The following KCNN2 variants were observed in gnomAD, a reference collection of about 807,000 sequenced individuals.
The protein encoded by KCNN2 is potassium calcium-activated channel subfamily N member 2.
Under a neutral mutation model 55.5 loss-of-function variants are expected in KCNN2, and 24 were observed. That is an observed-to-expected ratio of 0.43 (90% confidence interval 0.31 to 0.61). The LOEUF is 0.61. KCNN2 is among the 20% of genes least tolerant of loss of function. The pLI is 0.08. For missense variants in KCNN2, 754 were observed against 853.6 expected, an observed-to-expected ratio of 0.88 and a Z score of 1.45; for synonymous variants, 431 against 336.1, an observed-to-expected ratio of 1.28 and a Z score of -3.09.
chr5:114,383,657 A>G (rs1178931350), intron 2 of KCNN2, among the ~76,000 whole-genome samples: 1 of 151,914 alleles, frequency 6.6e-6, no homozygotes, highest in Non-Finnish European at 1.5e-5. Context: ...TAGTAGGGAC[A>G]GGGTTTTGCC....
chr5:114,275,174 G>A (rs568778985), intron 2 of KCNN2, among the ~76,000 whole-genome samples: 1 of 152,274 alleles, frequency 6.6e-6, no homozygotes, highest in Admixed American at 6.5e-5. Flanking sequence ...TTGCATCCCA[G>A]GGATGAAGCT....
At chr5:114,397,081 T>A (rs1758642490) in intron 2 of KCNN2, among the ~76,000 whole-genome samples, 1 of 152,212 alleles carries the variant, frequency 6.6e-6, no homozygotes. Context: ...TGTGCAGTAT[T>A]CCATAGTGTA....
Position 114,106,643 on chromosome 5 carries a change from G to GTTTTTTTTTTTTTTT in KCNN2, c.-271+50145_-271+50159dup, listed in dbSNP as rs149036166. Among the ~76,000 whole-genome samples, 5 of 69,924 alleles carry GTTTTTTTTTTTTTTT rather than the reference G, an allele frequency of 7.2e-5. 1 individual carries two copies. Among genetic ancestry groups the GTTTTTTTTTTTTTTT allele is most frequent in the African/African-American group, 2.0e-4 (4 of 20,002 alleles). The allele number at this position is 69,924 out of a possible 152,430, so 45.9% of individuals were successfully genotyped here. A position where few individuals can be genotyped will look rare whatever the true frequency, so the allele number is the denominator to read the frequency against. On this transcript the variant is annotated intron_variant, in intron 1 of 10. Transcript: ENST00000512097. Reference sequence around the variant, plus strand: ...TAATGGCACTGAGGATTTTCCAGTTGTTTTTTTTTTTTTTTTGGTCATTTG... The same window carrying GTTTTTTTTTTTTTTT: ...TAATGGCACTGAGGATTTTCCAGTTGTTTTTTTTTTTTTTTTTTTTTTTTTTTTTTTGGTCATTTG...
chr5:114,306,717 T>C (rs1033366593), intron 2 of KCNN2, among the ~76,000 whole-genome samples: 3 of 150,274 alleles, frequency 2.0e-5, no homozygotes, highest in African/African-American at 7.3e-5. Flanking sequence ...TTTTTTTTTT[T>C]TGAGACCAAG....
intron 1 of KCNN2, among the ~76,000 whole-genome samples, chr5:114,168,879 G>C (rs193040975): frequency 1.3e-5 from 2 of 152,032 alleles, no homozygotes; most frequent in East Asian, 1.9e-4. Context: ...ATATGGTTTG[G>C]CTCTGTGTCC....
chr5:114,191,771 A>G (rs759509436), intron 1 of KCNN2, among the ~76,000 whole-genome samples: 64 of 152,128 alleles, frequency 4.2e-4, no homozygotes, highest in Non-Finnish European at 7.6e-4. Flanking sequence ...TGGCCTTGGA[A>G]CCCTGCATTT....
chr5:114,363,797 C>A, intron 1 of KCNN2, 109 bp from the exon 2 acceptor site: 1 of 748,822 alleles, frequency 1.3e-6, no homozygotes, highest in Non-Finnish European at 2.3e-6. Flanking sequence ...CCCTTATCTT[C>A]CTTCTGTGAG....
At chr5:114,355,945 C>G (rs1386745959) in intron 2 of KCNN2, among the ~76,000 whole-genome samples, 1 of 152,042 alleles carries the variant, frequency 6.6e-6, no homozygotes, top group Non-Finnish European at 1.5e-5. Context: ...TGTATTATAT[C>G]CTCACAAATT....
intron 2 of KCNN2, among the ~76,000 whole-genome samples, chr5:114,312,469 A>G (rs1756424031): frequency 9.0e-6 from 1 of 111,124 alleles, no homozygotes; most frequent in African/African-American, 3.5e-5. Context: ...ATATATATAT[A>G]TATATATGGA....
intron 1 of KCNN2, among the ~76,000 whole-genome samples, chr5:114,065,198 G>C (rs545823380): frequency 6.6e-6 from 1 of 152,310 alleles, no homozygotes. Flanking sequence ...CCTTGGAGTA[G>C]TTCATAGGAG....
chr5:114,277,158 A>T (rs960213014), intron 2 of KCNN2, among the ~76,000 whole-genome samples: 6 of 152,072 alleles, frequency 3.9e-5, no homozygotes, highest in Non-Finnish European at 8.8e-5. Context: ...ATTGTTGAAT[A>T]TTTGCCCCCA....
chr5:114,458,249 AT>A (rs1358451262), intron 3 of KCNN2, among the ~76,000 whole-genome samples: 1 of 152,048 alleles, frequency 6.6e-6, no homozygotes, highest in African/African-American at 2.4e-5. Flanking sequence ...TTGAGATGAG[AT>A]TTTTTTTCCA....
intron 1 of KCNN2, among the ~76,000 whole-genome samples, chr5:114,067,878 TAG>T (rs1750484689): frequency 6.6e-6 from 1 of 152,248 alleles, no homozygotes; most frequent in Non-Finnish European, 1.5e-5. Flanking sequence ...CATACATATA[TAG>T]AGTTTTACCC....
rs372532855 is a variant in KCNN2 at position 114,422,201 on chromosome 5, T to C, written c.1637+17345T>C. On this transcript the variant is annotated intron_variant, in intron 3 of 7. Coordinates refer to ENST00000673685, the MANE Select transcript of KCNN2 (RefSeq NM_021614.4). The stretch of plus-strand genomic sequence containing the variant: ...GGCTATTTTAGACACGTCTTACTGC[T>C]ATAGATTAAATTTTTATGTTCCCCC... Among the ~76,000 whole-genome samples, 13 of 152,348 alleles carry C rather than the reference T, an allele frequency of 8.5e-5. No homozygotes were observed. In the South Asian group the frequency reaches 2.1e-3, roughly 24 times the overall value.
chr5:114,204,488 T>C (rs1753731592), intron 1 of KCNN2, among the ~76,000 whole-genome samples: 1 of 152,226 alleles, frequency 6.6e-6, no homozygotes, highest in Non-Finnish European at 1.5e-5. Flanking sequence ...AGAGACCTTT[T>C]TAGCTCACAG....
chr5:114,191,152 G>T (rs1753441405), intron 1 of KCNN2, among the ~76,000 whole-genome samples: 1 of 152,130 alleles, frequency 6.6e-6, no homozygotes, highest in Non-Finnish European at 1.5e-5. Flanking sequence ...ATTTGTAAAT[G>T]TGAACTTTAT....
In KCNN2 at chr5:114,196,404, G is replaced by GT. The variant is rs570800393; in HGVS notation, c.-270-25070dup. Among the ~76,000 whole-genome samples, 23 of 151,948 alleles carry GT rather than the reference G, an allele frequency of 1.5e-4. No homozygotes were observed. The South Asian group carries it at 4.6e-3, about 30-fold the overall frequency. ...AATTTGGGAAGTGTTCCCATCTTCT[G>GT]TTTTTTGGAAGAGTTTGTAAAGGAT... is the stretch of plus-strand genomic sequence containing the variant. On this transcript the variant is annotated intron_variant, in intron 1 of 10. Coordinates refer to the KCNN2 transcript ENST00000512097.
chr5:114,186,239 A>G (rs1169632539), intron 1 of KCNN2, among the ~76,000 whole-genome samples: 3 of 152,198 alleles, frequency 2.0e-5, no homozygotes, highest in Non-Finnish European at 4.4e-5. Context: ...GTGTCATTAG[A>G]TAGCCCTGTT....
intron 2 of KCNN2, among the ~76,000 whole-genome samples, chr5:114,267,984 G>T (rs184880501): frequency 6.4e-4 from 98 of 152,194 alleles, no homozygotes; most frequent in Middle Eastern, 3.4e-3. Context: ...TTTGCAGGGA[G>T]CTCCCTCCCT....
Sources: allele counts gnomAD v4.1 joint callset (sites outside exome capture counted in the v4.1 genomes callset), GRCh38; gene constraint gnomAD v4.1.1; transcripts MANE v1.5; gene names NCBI Gene and HGNC (gene_info 2026-07-23, HGNC 2026-07-21).